GRM7: variants seen among roughly 807,000 people sequenced by gnomAD.
The protein encoded by GRM7 is metabotropic glutamate receptor 7.
GRM7 carries 35 observed loss-of-function variants against 84.5 expected under a neutral mutation model. The ratio of observed to expected loss-of-function variants is 0.41; its 90% CI spans 0.32 to 0.55. GRM7 has a LOEUF of 0.55. Ranked by LOEUF, GRM7 falls within the 20% of genes least tolerant of loss-of-function variation. The probability of loss-of-function intolerance (pLI) is 0.19; values close to 1 mark genes in which losing one functional copy is unlikely to be tolerated. For missense variants in GRM7, 1,003 were observed against 1,194.6 expected (o/e 0.84, Z 2.36); for synonymous variants, 487 against 455.1 (o/e 1.07, Z -0.89).
At chr3:6,982,440 A>G (rs712752) in intron 1 of GRM7, among the ~76,000 whole-genome samples, 119,003 of 152,024 alleles carry the variant, frequency 0.78, 47,000 homozygotes, top group African/African-American at 0.89. Flanking sequence ...AGCCAGTGGG[A>G]AGAAAATAGA....
intron 4 of GRM7, among the ~76,000 whole-genome samples, chr3:7,385,664 T>C (rs1447967346): frequency 2.0e-5 from 3 of 152,216 alleles, no homozygotes; most frequent in Non-Finnish European, 4.4e-5. Context: ...TAAATTAAAT[T>C]ATATGTACTT....
chr3:7,443,941 C>T (rs1023709017), intron 5 of GRM7, among the ~76,000 whole-genome samples: 3 of 151,934 alleles, frequency 2.0e-5, no homozygotes, highest in Admixed American at 1.3e-4. Context: ...TGCCATTTTC[C>T]AAACTAACAA....
At chr3:7,289,248 C>G (rs1699535935) in intron 2 of GRM7, among the ~76,000 whole-genome samples, 1 of 152,150 alleles carries the variant, frequency 6.6e-6, no homozygotes, top group Non-Finnish European at 1.5e-5. Context: ...GCTTGCTTTG[C>G]AAAGACTTCT....
At chr3:7,686,486 C>G (rs1700590398) in intron 9 of GRM7, 2 of 871,786 alleles carry the variant, frequency 2.3e-6, no homozygotes, top group Middle Eastern at 2.2e-4. Flanking sequence ...TTTATGTGTT[C>G]TTGTCTCCAA....
At chr3:7,171,348 A>C (rs965353204) in intron 2 of GRM7, among the ~76,000 whole-genome samples, 1 of 152,100 alleles carries the variant, frequency 6.6e-6, no homozygotes. Context: ...TAATAATCTT[A>C]TGTTAACTTA....
intron 2 of GRM7, among the ~76,000 whole-genome samples, chr3:7,181,671 T>A (rs1234434583): frequency 6.6e-6 from 1 of 152,146 alleles, no homozygotes; most frequent in African/African-American, 2.4e-5. Flanking sequence ...TGCGGTGGTG[T>A]GATCTTGGCT....
intron 1 of GRM7, among the ~76,000 whole-genome samples, chr3:7,018,515 G>A (rs1559386940): frequency 6.6e-6 from 1 of 152,218 alleles, no homozygotes; most frequent in Non-Finnish European, 1.5e-5. Flanking sequence ...GCCCCATACT[G>A]TACTTTTGGG....
intron 8 of GRM7, among the ~76,000 whole-genome samples, chr3:7,678,293 AAAT>A (rs1700220016): frequency 6.6e-6 from 1 of 152,224 alleles, no homozygotes; most frequent in South Asian, 2.1e-4. Flanking sequence ...TTATAATTAT[AAAT>A]AATAAAACAA....
At chr3:7,538,296 G>A (rs1487604909) in intron 7 of GRM7, among the ~76,000 whole-genome samples, 6 of 152,216 alleles carry the variant, frequency 3.9e-5, no homozygotes, top group African/African-American at 1.4e-4. Flanking sequence ...TTTTTTAGTA[G>A]AGATGGAGTT....
In GRM7 at chr3:7,411,242, C is replaced by T. The variant is rs1347588630; in HGVS notation, c.1034-3781C>T. ...TTGCAATACAATATTAATATATTTT[C>T]CAAATAATTCACAAGTTTAGGGGGT... On this transcript the variant is annotated intron_variant, in intron 4 of 9. Coordinates refer to ENST00000357716, the MANE Select transcript of GRM7 (RefSeq NM_000844.4). 2.0e-5 allele frequency among the ~76,000 whole-genome samples: 3 copies of T among 152,028 alleles called. No individual in the cohort carries two copies. The East Asian group carries it at 5.8e-4, about 29-fold the overall frequency.
chr3:7,348,029 G>T (rs73113763), intron 4 of GRM7, among the ~76,000 whole-genome samples: 6,541 of 152,214 alleles, frequency 0.043, 309 homozygotes, highest in African/African-American at 0.12. Context: ...GAGGCACTTA[G>T]CAGATGACTC....
chr3:7,375,320 G>C (rs568011720), intron 4 of GRM7, among the ~76,000 whole-genome samples: 11 of 149,052 alleles, frequency 7.4e-5, no homozygotes, highest in African/African-American at 2.5e-4. Flanking sequence ...CCAGGTTCAA[G>C]CTATTCTCCT....
chr3:7,185,649 C>G (rs1309901830), intron 2 of GRM7, among the ~76,000 whole-genome samples: 1 of 152,122 alleles, frequency 6.6e-6, no homozygotes, highest in Non-Finnish European at 1.5e-5. Flanking sequence ...AAGTGGTACC[C>G]AGAGCATCAC....
intron 8 of GRM7, among the ~76,000 whole-genome samples, chr3:7,631,961 TG>T (rs1224444998): frequency 6.6e-6 from 1 of 152,010 alleles, no homozygotes; most frequent in Non-Finnish European, 1.5e-5. Context: ...ATACGTTAGG[TG>T]GTTAGAAATA....
In GRM7 at chr3:7,090,828, G is replaced by A. The variant is rs116085006; in HGVS notation, c.520-55624G>A. Among the ~76,000 whole-genome samples, 1,299 of 152,250 alleles carry A rather than the reference G, an allele frequency of 8.5e-3. 17 individuals are homozygous for A. The highest frequency in any genetic ancestry group is 0.03 in the African/African-American group (1,229 of 41,552). ...TACATGGGTTGTTAACTCAAGGTCA[G>A]CCATGAGTCTTTGAAGTGCTTAAGA... is the stretch of plus-strand genomic sequence containing the variant. On this transcript the variant is annotated intron_variant, in intron 1 of 9. Transcript: ENST00000357716.
intron 7 of GRM7, among the ~76,000 whole-genome samples, chr3:7,471,313 C>G (rs1698691632): frequency 6.6e-6 from 1 of 152,166 alleles, no homozygotes; most frequent in South Asian, 2.1e-4. Flanking sequence ...GGACTAATAT[C>G]AAGGCGGCAC....
At position 7,698,263 on chromosome 3, in the gene GRM7, A is replaced by T. The variant is rs3828423; in HGVS notation, c.2698+17968A>T. On this transcript the variant is annotated intron_variant, in intron 9 of 9. Coordinates refer to ENST00000357716, the MANE Select transcript of GRM7 (RefSeq NM_000844.4). The stretch of plus-strand genomic sequence containing the variant: ...TCTGGGCAGAGGGATCGTCCTCAAT[A>T]AAGTCCAAATGCATAAAGTGGCAGC... Among the ~76,000 whole-genome samples, 662 of 152,276 alleles carry T rather than the reference A, an allele frequency of 4.3e-3. 16 individuals carry two copies. In the East Asian group the frequency reaches 0.093, roughly 21 times the overall value.
chr3:7,530,724 T>C (rs545478382), intron 7 of GRM7, among the ~76,000 whole-genome samples: 1 of 152,322 alleles, frequency 6.6e-6, no homozygotes, highest in Admixed American at 6.5e-5. Context: ...ATATGTTTCT[T>C]GGCCACATAA....
intron 7 of GRM7, among the ~76,000 whole-genome samples, chr3:7,522,523 C>T (rs1415218138): frequency 2.0e-5 from 3 of 152,060 alleles, no homozygotes; most frequent in African/African-American, 4.8e-5. Context: ...ATGCCTTCAC[C>T]CCCTGACATT....
Sources: allele counts gnomAD v4.1 joint callset (sites outside exome capture counted in the v4.1 genomes callset), GRCh38; gene constraint gnomAD v4.1.1; transcripts MANE v1.5; gene names NCBI Gene and HGNC (gene_info 2026-07-23, HGNC 2026-07-21).